Variants in TRIOBP observed in about 807,000 individuals in gnomAD.
TRIOBP encodes TRIO and F-actin binding protein, also known as TRIO and F-actin-binding protein.
A neutral mutation model predicts 238.8 loss-of-function variants in TRIOBP; 169 were observed. The ratio of observed to expected loss-of-function variants is 0.71; its 90% CI spans 0.62 to 0.80. The LOEUF (loss-of-function observed/expected upper bound fraction) is 0.80, where lower values mean the gene tolerates loss of function less well. TRIOBP is among the 30% of genes least tolerant of loss of function. TRIOBP has a pLI of 0.00. For missense variants in TRIOBP, 2,838 were observed against 3,122.6 expected, an observed-to-expected ratio of 0.91 and a Z score of 2.17; for synonymous variants, 1,150 against 1,274.4, an observed-to-expected ratio of 0.90 and a Z score of 2.08.
chr22:37,735,241 G>T lies in TRIOBP; in HGVS notation c.4905G>T (p.Glu1635Asp). The change falls in exon 9 of 24, where the codon GAG (glutamate) becomes GAT (aspartate). Residue 1635 changes from glutamate to aspartate, a missense_variant. Glu to Asp is a conservative substitution (Grantham distance 45). This residue lies in a region of TRIOBP where 2,096 missense variants were observed against 2,137.4 expected (regional missense o/e 0.98). Transcript: ENST00000644935. ...ACAGCCAGCCAGAAGGCTGGGCCGA[G>T]GCCACCCCAGTCAATGGACACAGCC... is the stretch of plus-strand genomic sequence containing the variant. ...ESHSQPEGWA[E>D]ATPVNGHSPA... is the part of the protein sequence containing the mutation. 1 of 1,604,210 alleles carries T rather than the reference G, an allele frequency of 6.2e-7. No homozygotes were observed. Among genetic ancestry groups the T allele is most frequent in the Non-Finnish European group, 8.5e-7 (1 of 1,172,524 alleles).
At position 37,716,618 on chromosome 22, in the gene TRIOBP, CAG is replaced by C. The variant is rs374176260; in HGVS notation, c.628+685_628+686del. ...CTAATTTGTGTATTTTTAGTAGAGA[CAG>C]GGTTTCACCATGTTGGCCGGGCTTG... is the stretch of plus-strand genomic sequence containing the variant. On this transcript the variant is annotated intron_variant, in intron 6 of 23. Coordinates refer to ENST00000644935, the MANE Select transcript of TRIOBP (RefSeq NM_001039141.3). Among the ~76,000 whole-genome samples, 93 of 152,026 alleles carry C rather than the reference CAG, an allele frequency of 6.1e-4. No individual in the cohort carries two copies. The East Asian group carries it at 0.016, about 26-fold the overall frequency.
At chr22:37,741,125 G>C in intron 11 of TRIOBP, 93 bp downstream of exon 11, 2 of 1,497,852 alleles carry the variant, frequency 1.3e-6, no homozygotes, top group South Asian at 2.4e-5. Context: ...GAGAGAGAGT[G>C]GGGGCTGAGG....
chr22:37,702,802 A>G (rs908541650), intron 3 of TRIOBP, among the ~76,000 whole-genome samples: 6 of 151,682 alleles, frequency 4.0e-5, no homozygotes, highest in Non-Finnish European at 5.9e-5. Context: ...GGCACATGCC[A>G]CCATGGCCAG....
chr22:37,734,175 G>A (rs568468352), intron 8 of TRIOBP, among the ~76,000 whole-genome samples: 5 of 152,330 alleles, frequency 3.3e-5, no homozygotes, highest in South Asian at 2.1e-4. Flanking sequence ...AGCCAAGAAC[G>A]GGGGCAGGTC....
intron 17 of TRIOBP, chr22:37,759,830 G>A (rs1926150263): frequency 2.4e-6 from 3 of 1,232,864 alleles, no homozygotes; most frequent in Non-Finnish European, 3.1e-6. Flanking sequence ...GTCACAACTA[G>A]GACAAACTAA....
Position 37,734,534 on chromosome 22 carries a change from G to A in TRIOBP, c.4198G>A (p.Ala1400Thr), listed in dbSNP as rs1924567677. Residue 1400 changes from alanine to threonine, a missense_variant, in exon 9 of 24, where the codon GCC becomes ACC. Coordinates refer to ENST00000644935, the MANE Select transcript of TRIOBP (RefSeq NM_001039141.3). Reference protein sequence around the residue: ...QGSPLPPRTSARTPERELRTQ... With the variant: ...QGSPLPPRTSTRTPERELRTQ... ...GTCCCCGCTGCCCCCCAGGACATCA[G>A]CCAGGACCCCTGAGAGGGAGCTGCG... 1.7e-5 allele frequency: 27 copies of A among 1,601,330 alleles called. No individual in the cohort carries two copies. The highest frequency in any genetic ancestry group is 2.3e-5 in the Non-Finnish European group (27 of 1,174,646).
At position 37,697,643 on chromosome 22, in the gene TRIOBP, C is replaced by T. The variant is rs1922418039; in HGVS notation, c.-114C>T. On this transcript the variant is annotated 5_prime_UTR_variant, in exon 2 of 24. Transcript: ENST00000644935. ...TGTCCCAGGGGAGGAGGTGAAATTC[C>T]TCAGCTCTCCACCAAGATTGGCCAC... The T allele has an allele frequency of 6.6e-6, 1 of 152,312 alleles. No homozygotes were observed. The highest frequency in any genetic ancestry group is 1.5e-5 in the Non-Finnish European group (1 of 68,136). The allele number at this position is 152,312 out of a possible 1,614,324, so 9.4% of individuals were successfully genotyped here.
chr22:37,718,741 GACTA>G (rs1006686696), intron 6 of TRIOBP, among the ~76,000 whole-genome samples: 12 of 151,928 alleles, frequency 7.9e-5, no homozygotes, highest in African/African-American at 2.9e-4. Flanking sequence ...GATTAAAAGA[GACTA>G]ACAGGATGAG....
rs567735653 is a variant in TRIOBP, at chr22:37,714,593, C to T, written c.457-1170C>T. Among the ~76,000 whole-genome samples the T allele has an allele frequency of 5.7e-4, 86 of 152,016 alleles. 1 individual carries two copies. The highest frequency in any genetic ancestry group is 2.0e-3 in the African/African-American group (84 of 41,470). The stretch of plus-strand genomic sequence containing the variant: ...CTGAGACAGGAGAATCGCTTGAACC[C>T]GGGAGGTTGCAGTGAGCTTAGATTG... On this transcript the variant is annotated intron_variant, in intron 5 of 23. Coordinates refer to ENST00000644935, the MANE Select transcript of TRIOBP (RefSeq NM_001039141.3).
chr22:37,728,667 T>TA (rs1208624779), intron 7 of TRIOBP, among the ~76,000 whole-genome samples: 1 of 152,122 alleles, frequency 6.6e-6, no homozygotes, highest in Non-Finnish European at 1.5e-5. Flanking sequence ...ACTAGATAGG[T>TA]ATGCTTGTTT....
intron 5 of TRIOBP, among the ~76,000 whole-genome samples, chr22:37,715,164 A>G (rs1290702834): frequency 1.3e-5 from 2 of 151,832 alleles, no homozygotes; most frequent in African/African-American, 2.4e-5. Context: ...ACAGGCGCCC[A>G]CCACTATGCC....
chr22:37,700,185 T>A (rs1029801003), intron 2 of TRIOBP, among the ~76,000 whole-genome samples: 9 of 152,124 alleles, frequency 5.9e-5, no homozygotes, highest in African/African-American at 2.2e-4. Flanking sequence ...CTGGAATCAC[T>A]TCTTTAACAT....
chr22:37,705,517 G>A (rs1922892589), intron 3 of TRIOBP, among the ~76,000 whole-genome samples: 1 of 152,126 alleles, frequency 6.6e-6, no homozygotes, highest in Non-Finnish European at 1.5e-5. Context: ...TGGTCTCACT[G>A]GCCTTGTGCG....
In TRIOBP at chr22:37,754,978, T is replaced by G; in HGVS notation, c.5481T>G (p.Ala1827=). The G allele has an allele frequency of 6.2e-7, 1 of 1,614,058 alleles. No individual in the cohort carries two copies. Among genetic ancestry groups the G allele is most frequent in the Non-Finnish European group, 8.5e-7 (1 of 1,179,990 alleles). The change falls in exon 13 of 24, where the codon GCT becomes GCG. Residue 1827 remains alanine (A), a synonymous_variant. Coordinates refer to ENST00000644935, the MANE Select transcript of TRIOBP (RefSeq NM_001039141.3). ...TCAAATATTACAGAGACTCCACTGCTGAGGAGGTGAGGCCATGGGTGTACT... is the reference window on the plus strand; with the variant it reads ...TCAAATATTACAGAGACTCCACTGCGGAGGAGGTGAGGCCATGGGTGTACT... ...SSLKYYRDST[A]EEADELDGEI... is the part of the protein sequence containing the mutation.
chr22:37,708,218 C>A (rs1053473846), intron 3 of TRIOBP, among the ~76,000 whole-genome samples: 2 of 144,302 alleles, frequency 1.4e-5, no homozygotes, highest in Non-Finnish European at 3.0e-5. Context: ...TGCACTCTAG[C>A]CTGAGCGACA....
At position 37,707,950 on chromosome 22, in the gene TRIOBP, GA is replaced by G. The variant is rs1271064581; in HGVS notation, c.115-2463del. ...GAGTGAGACTCTGTCTCAAAAAAAA[GA>G]AAAAAAAAAAAAAGGCCGGGCGTGG... On this transcript the variant is annotated intron_variant, in intron 3 of 23. Transcript: ENST00000644935. Among the ~76,000 whole-genome samples the G allele has an allele frequency of 7.7e-3, 522 of 68,154 alleles. 3 individuals carry two copies. The highest frequency in any genetic ancestry group is 0.074 in the Middle Eastern group (5 of 68). 44.7% of individuals were successfully genotyped at this position (68,154 alleles called of 152,430 possible).
At chr22:37,700,486 G>A (rs998567814) in intron 2 of TRIOBP, among the ~76,000 whole-genome samples, 5 of 151,312 alleles carry the variant, frequency 3.3e-5, no homozygotes, top group African/African-American at 7.3e-5. Context: ...CACAGTCATG[G>A]CTCACTGCAG....
In TRIOBP at chr22:37,719,988, T is replaced by TCACACTGCACTCACTGTTTCACTCATC. The variant is rs1555895416; in HGVS notation, c.629-3196_629-3195insACACTGCACTCACTGTTTCACTCATCC. Among the ~76,000 whole-genome samples the TCACACTGCACTCACTGTTTCACTCATC allele has an allele frequency of 6.5e-3, 201 of 30,852 alleles. 35 individuals carry two copies. Among genetic ancestry groups the TCACACTGCACTCACTGTTTCACTCATC allele is most frequent in the South Asian group, 9.8e-3 (4 of 408 alleles). 20.2% of individuals were successfully genotyped at this position (30,852 alleles called of 152,430 possible). On this transcript the variant is annotated intron_variant, in intron 6 of 23. Transcript: ENST00000644935. ...CACACTGCACTCACTGTTTCACTCA[T>TCACACTGCACTCACTGTTTCACTCATC]CCCCCCCCGCCCTTTTTTTTTTTTT...
intron 4 of TRIOBP, among the ~76,000 whole-genome samples, chr22:37,712,395 G>T (rs1386735084): frequency 1.3e-5 from 2 of 151,988 alleles, no homozygotes; most frequent in African/African-American, 4.8e-5. Flanking sequence ...GCAATGGCAC[G>T]ATCTTGGCTC....
Sources: gnomAD v4.1 joint callset for allele counts (sites outside exome capture counted in the v4.1 genomes callset) on GRCh38, gnomAD v4.1.1 for gene constraint, gnomAD v4.1.1 regional missense constraint, MANE v1.5 for transcripts, NCBI Gene and HGNC (gene_info 2026-07-23, HGNC 2026-07-21) for gene names.